KBTBD11: variants seen among roughly 807,000 people sequenced by gnomAD.
The protein encoded by KBTBD11 is kelch repeat and BTB domain-containing protein 11.
For missense variants in KBTBD11, 1,390 were observed against 1,001.8 expected, an observed-to-expected ratio of 1.39 and a Z score of -5.23; for synonymous variants, 747 against 499.0, an observed-to-expected ratio of 1.50 and a Z score of -6.63.
rs1019367137 is a variant in KBTBD11, at chr8:2,003,071, G to A, written c.*7G>A. ...GGAGCAGGGCGCCCCGTAGGCCGGC[G>A]GGGTCGGCGGGCGTCTCCCTCGGCA... On this transcript the variant is annotated 3_prime_UTR_variant, in exon 2 of 2. Coordinates refer to ENST00000320248, the MANE Select transcript of KBTBD11 (RefSeq NM_014867.3). The A allele has an allele frequency of 4.8e-6, 6 of 1,256,310 alleles. No individual in the cohort carries two copies. Among genetic ancestry groups the A allele is most frequent in the Non-Finnish European group, 3.0e-6 (3 of 998,318 alleles). 77.8% of individuals were successfully genotyped at this position (1,256,310 alleles called of 1,614,324 possible).
chr8:2,002,218 G>C lies in KBTBD11; in HGVS notation c.1026G>C (p.Arg342=). The change falls in exon 2 of 2, where the codon CGG becomes CGC. Residue 342 remains arginine, a synonymous_variant. Coordinates refer to ENST00000320248, the MANE Select transcript of KBTBD11 (RefSeq NM_014867.3). The surrounding 1 kb of genome is among the most constrained non-coding windows in gnomAD (Gnocchi z 4.1). ...AAAGEWRELT[R]LPEGAPARGC... is the part of the protein sequence containing the mutation. ...CCGGAGAGTGGCGCGAGCTGACGCGGCTGCCCGAGGGCGCGCCGGCGCGGG... is the reference window on the plus strand; with the variant it reads ...CCGGAGAGTGGCGCGAGCTGACGCGCCTGCCCGAGGGCGCGCCGGCGCGGG... The C allele has an allele frequency of 7.9e-7, 1 of 1,265,188 alleles. No homozygotes were observed. Among genetic ancestry groups the C allele is most frequent in the Non-Finnish European group, 9.9e-7 (1 of 1,009,472 alleles). The allele number at this position is 1,265,188 out of a possible 1,614,324, so 78.4% of individuals were successfully genotyped here.
intron 1 of KBTBD11, chr8:1,974,678 G>T: frequency 1.0e-6 from 1 of 985,410 alleles, no homozygotes; most frequent in Non-Finnish European, 1.2e-6. Flanking sequence ...GTGCTGGGGA[G>T]ACCCCCGGGC....
At chr8:1,997,939 A>ATG (rs139752876) in intron 1 of KBTBD11, among the ~76,000 whole-genome samples, 2,926 of 152,278 alleles carry the variant, frequency 0.019, 82 homozygotes, top group African/African-American at 0.059. Flanking sequence ...CAATTTAATA[A>ATG]TGTGTGTGTG....
Position 2,003,020 on chromosome 8 carries a change from A to T in KBTBD11, c.1828A>T (p.Ser610Cys), listed in dbSNP as rs1817456819. Reference sequence around the variant, plus strand: ...GGGTGTGCTCATCCCGTTCGCTCTCAGCCTGCCTGAGAAGCCGCCCCGAGG... The same window carrying T: ...GGGTGTGCTCATCCCGTTCGCTCTCTGCCTGCCTGAGAAGCCGCCCCGAGG... ...VRGVLIPFAL[S>C]LPEKPPRGEQ... is the part of the protein sequence containing the mutation. The change falls in exon 2 of 2, where the codon AGC (serine) becomes TGC (cysteine). Residue 610 changes from serine (S) to cysteine (C), a missense_variant. Transcript: ENST00000320248. 5 of 1,276,662 alleles carry T rather than the reference A, an allele frequency of 3.9e-6. No homozygotes were observed. In the Admixed American group the frequency reaches 2.1e-4, roughly 52 times the overall value. 79.1% of individuals were successfully genotyped at this position (1,276,662 alleles called of 1,614,324 possible).
intron 1 of KBTBD11, among the ~76,000 whole-genome samples, chr8:1,996,529 A>G (rs1256757070): frequency 6.6e-6 from 1 of 152,036 alleles, no homozygotes; most frequent in Non-Finnish European, 1.5e-5. Context: ...CGGCCTCCCA[A>G]AGTGCTGGGA....
Position 2,002,323 on chromosome 8 carries a change from CCCGT to C in KBTBD11, c.1135_1138del (p.Ser379ThrfsTer16). 1 of 1,397,366 alleles carries C rather than the reference CCCGT, an allele frequency of 7.2e-7. No homozygotes were observed. Among genetic ancestry groups the C allele is most frequent in the South Asian group, 1.5e-5 (1 of 67,914 alleles). 86.6% of individuals were successfully genotyped at this position (1,397,366 alleles called of 1,614,324 possible). On this transcript the variant is annotated frameshift_variant, in exon 2 of 2. Coordinates refer to ENST00000320248, the MANE Select transcript of KBTBD11 (RefSeq NM_014867.3). LOFTEE classifies it low-confidence loss of function (END_TRUNC). The surrounding 1 kb of genome is among the most constrained non-coding windows in gnomAD (Gnocchi z 4.1). Reference sequence around the variant, plus strand: ...CCGCGGGCCCCGACGGCCGCGCGCGCCCGTCCGACCAGGTCTTCTGCTACAACCC... The same window carrying C: ...CCGCGGGCCCCGACGGCCGCGCGCGCCCGACCAGGTCTTCTGCTACAACCC...
chr8:1,998,911 A>C (rs2129315459), intron 1 of KBTBD11, among the ~76,000 whole-genome samples: 1 of 152,228 alleles, frequency 6.6e-6, no homozygotes, highest in African/African-American at 2.4e-5. Context: ...CCGGCCCTGG[A>C]CTGGCCACCA....
Position 2,001,391 on chromosome 8 carries a change from T to C in KBTBD11, c.199T>C (p.Ser67Pro). ...GGAAGGCGCGGCCACCTCCCCGCCC[T>C]CCAGCGGTGGCCCGCGGGTGGTGGA... Reference protein sequence around the residue: ...AAEGAATSPPSSGGPRVVERQ... With the variant: ...AAEGAATSPPPSGGPRVVERQ... The change falls in exon 2 of 2, where the codon TCC becomes CCC. Residue 67 changes from serine to proline, a missense_variant. By Grantham distance (74) the Ser-to-Pro change is moderately conservative. Coordinates refer to ENST00000320248, the MANE Select transcript of KBTBD11 (RefSeq NM_014867.3). 7.0e-7 allele frequency: 1 copy of C among 1,429,978 alleles called. No individual in the cohort carries two copies. The highest frequency in any genetic ancestry group is 1.4e-5 in the South Asian group (1 of 71,568). 88.6% of individuals were successfully genotyped at this position (1,429,978 alleles called of 1,614,324 possible). A position where few individuals can be genotyped will look rare whatever the true frequency, so the allele number is the denominator to read the frequency against.
At position 2,001,936 on chromosome 8, in the gene KBTBD11, G is replaced by A; in HGVS notation, c.744G>A (p.Leu248=). 1 of 1,472,258 alleles carries A rather than the reference G, an allele frequency of 6.8e-7. No individual in the cohort carries two copies. The highest frequency in any genetic ancestry group is 9.0e-7 in the Non-Finnish European group (1 of 1,108,550). 91.2% of individuals were successfully genotyped at this position (1,472,258 alleles called of 1,614,324 possible). The change falls in exon 2 of 2, where the codon CTG becomes CTA. Residue 248 remains leucine (L), a synonymous_variant. Transcript: ENST00000320248. The part of the protein sequence containing the change: ...EVLSAAKRQR[L]NELRDAAYCF... Reference sequence around the variant, plus strand: ...TGAGCGCGGCCAAGCGGCAGCGGCTGAACGAGCTGCGCGACGCCGCCTACT... The same window carrying A: ...TGAGCGCGGCCAAGCGGCAGCGGCTAAACGAGCTGCGCGACGCCGCCTACT...
At chr8:1,981,536 A>C (rs1816540914) in intron 1 of KBTBD11, among the ~76,000 whole-genome samples, 1 of 152,224 alleles carries the variant, frequency 6.6e-6, no homozygotes, top group Non-Finnish European at 1.5e-5. Context: ...ACACCCCAAT[A>C]GCTCGTAAAG....
chr8:1,993,405 C>A (rs1372882747), intron 1 of KBTBD11, among the ~76,000 whole-genome samples: 12 of 92,598 alleles, frequency 1.3e-4, no homozygotes, highest in African/African-American at 3.3e-4. Context: ...ATCCATCCAT[C>A]CATCCATCCA....
In KBTBD11 at chr8:1,974,617, G is replaced by T. The variant is rs962310676; in HGVS notation, c.-909+682G>T. 8.1e-6 allele frequency: 8 copies of T among 984,802 alleles called. No individual in the cohort carries two copies. The African/African-American group carries it at 1.4e-4, about 17-fold the overall frequency. The allele number at this position is 984,802 out of a possible 1,614,324, so 61.0% of individuals were successfully genotyped here. On this transcript the variant is annotated intron_variant, in intron 1 of 1. Coordinates refer to ENST00000320248, the MANE Select transcript of KBTBD11 (RefSeq NM_014867.3). ...AGCACCGCGACCCACCCGCCCCACC[G>T]CGCCGCGGCTCCCGAGTCCTGCCGG...
chr8:1,974,745 A>C, intron 1 of KBTBD11: 1 of 980,084 alleles, frequency 1.0e-6, no homozygotes, highest in Non-Finnish European at 1.2e-6. Flanking sequence ...ATTCTGGAGC[A>C]TGAAAAGAGG....
intron 1 of KBTBD11, among the ~76,000 whole-genome samples, chr8:1,992,049 C>G (rs1262408000): frequency 6.6e-6 from 1 of 152,070 alleles, no homozygotes; most frequent in Non-Finnish European, 1.5e-5. Flanking sequence ...ACTTTCAAAC[C>G]CACCCTCCCT....
At chr8:1,984,143 A>G (rs572164184) in intron 1 of KBTBD11, among the ~76,000 whole-genome samples, 1 of 152,192 alleles carries the variant, frequency 6.6e-6, no homozygotes, top group East Asian at 1.9e-4. Flanking sequence ...AAATAAAAAA[A>G]GAGTCACACG....
chr8:1,996,626 A>T (rs188832655), intron 1 of KBTBD11, among the ~76,000 whole-genome samples: 2 of 152,106 alleles, frequency 1.3e-5, no homozygotes, highest in Non-Finnish European at 2.9e-5. Context: ...AAGTCAATGA[A>T]CGCATTCTTT....
intron 1 of KBTBD11, chr8:1,974,281 G>C (rs1022738842): frequency 1.0e-6 from 1 of 982,586 alleles, no homozygotes. Flanking sequence ...CCCCCGGGAC[G>C]CGGCAACCCC....
At chr8:1,978,736 T>G (rs2129308348) in intron 1 of KBTBD11, among the ~76,000 whole-genome samples, 1 of 152,324 alleles carries the variant, frequency 6.6e-6, no homozygotes, top group East Asian at 1.9e-4. Flanking sequence ...CGAGCAGGGT[T>G]CATCCATGCG....
At position 2,001,591 on chromosome 8, in the gene KBTBD11, C is replaced by T. The variant is rs1283972134; in HGVS notation, c.399C>T (p.Phe133=). 1.4e-6 allele frequency: 2 copies of T among 1,462,816 alleles called. No individual in the cohort carries two copies. Among genetic ancestry groups the T allele is most frequent in the Non-Finnish European group, 1.8e-6 (2 of 1,112,702 alleles). The allele number at this position is 1,462,816 out of a possible 1,614,324, so 90.6% of individuals were successfully genotyped here. Residue 133 remains phenylalanine, a synonymous_variant, in exon 2 of 2, where the codon TTC becomes TTT. Coordinates refer to ENST00000320248, the MANE Select transcript of KBTBD11 (RefSeq NM_014867.3). ...PGEPAPVPPG[F]GAVYGEPDLV... is the part of the protein sequence containing the mutation. Reference sequence around the variant, plus strand: ...AGCCCGCGCCCGTACCCCCGGGGTTCGGGGCGGTGTACGGGGAGCCGGACC... The same window carrying T: ...AGCCCGCGCCCGTACCCCCGGGGTTTGGGGCGGTGTACGGGGAGCCGGACC...
Sources: gnomAD v4.1 joint callset for allele counts (sites outside exome capture counted in the v4.1 genomes callset) on GRCh38, gnomAD v4.1.1 for gene constraint, Gnocchi (gnomAD v3.1) non-coding constraint, MANE v1.5 for transcripts, NCBI Gene and HGNC (gene_info 2026-07-23, HGNC 2026-07-21) for gene names.